Variants in JAM3 observed in about 807,000 individuals in gnomAD.
JAM3 encodes junctional adhesion molecule 3.
In JAM3, 31 loss-of-function variants were observed where a neutral mutation model predicts 39.4. That is an observed-to-expected ratio of 0.79 (90% confidence interval 0.59 to 1.06). The LOEUF (loss-of-function observed/expected upper bound fraction) is 1.06, where lower values mean the gene tolerates loss of function less well. Ranked by LOEUF, JAM3 falls within the 50% of genes least tolerant of loss-of-function variation. The pLI, the probability that JAM3 is intolerant of heterozygous loss-of-function variation, is 0.00. For missense variants in JAM3, 455 were observed against 391.4 expected, an observed-to-expected ratio of 1.16 and a Z score of -1.37; for synonymous variants, 182 against 148.7, an observed-to-expected ratio of 1.22 and a Z score of -1.63.
At chr11:134,088,716 G>T (rs471007) in intron 1 of JAM3, among the ~76,000 whole-genome samples, 67,323 of 150,818 alleles carry the variant, frequency 0.45, 17,601 homozygotes, top group African/African-American at 0.75. Flanking sequence ...CACAAAGACA[G>T]TAAAATGTCA....
chr11:134,079,827 G>A (rs894383516), intron 1 of JAM3, among the ~76,000 whole-genome samples: 1 of 152,098 alleles, frequency 6.6e-6, no homozygotes, highest in Non-Finnish European at 1.5e-5. Context: ...AATTATAATT[G>A]CATTTGAAGG....
At chr11:134,133,394 A>C (rs1942804826) in intron 1 of JAM3, among the ~76,000 whole-genome samples, 1 of 152,126 alleles carries the variant, frequency 6.6e-6, no homozygotes, top group Admixed American at 6.5e-5. Context: ...AAAACTTTTG[A>C]GTCTTTCACC....
intron 1 of JAM3, among the ~76,000 whole-genome samples, chr11:134,100,168 TA>T (rs200011817): frequency 4.7e-5 from 7 of 148,980 alleles, no homozygotes; most frequent in African/African-American, 9.8e-5. Context: ...CTTTCCTCCT[TA>T]AAAAAAAAAT....
intron 3 of JAM3, among the ~76,000 whole-genome samples, chr11:134,142,350 C>T (rs1165988214): frequency 6.6e-6 from 1 of 152,120 alleles, no homozygotes; most frequent in African/African-American, 2.4e-5. Context: ...GGTAAAGGTT[C>T]GAATCCTCCA....
intron 1 of JAM3, among the ~76,000 whole-genome samples, chr11:134,079,555 G>A (rs143952788): frequency 0.015 from 2,207 of 152,118 alleles, 22 homozygotes; most frequent in South Asian, 0.03. Context: ...GCACTGTATC[G>A]TGGGTGTTAG....
chr11:134,147,566 A>G (rs1469910584), intron 6 of JAM3, among the ~76,000 whole-genome samples: 1 of 147,888 alleles, frequency 6.8e-6, no homozygotes, highest in African/African-American at 2.5e-5. Context: ...GGCTCACTGC[A>G]AGCTCCGCCT....
intron 1 of JAM3, among the ~76,000 whole-genome samples, chr11:134,104,492 A>G (rs1226102085): frequency 1.3e-5 from 2 of 152,334 alleles, no homozygotes; most frequent in East Asian, 3.9e-4. Context: ...GCAGAAGGCA[A>G]GAAATAACTA....
intron 1 of JAM3, chr11:134,123,985 C>T: frequency 6.6e-7 from 1 of 1,515,370 alleles, no homozygotes; most frequent in Non-Finnish European, 9.1e-7. Context: ...TCAATCAAAG[C>T]AAGTGCAACC....
intron 1 of JAM3, among the ~76,000 whole-genome samples, chr11:134,090,377 G>C (rs1361278597): frequency 2.0e-5 from 3 of 152,076 alleles, no homozygotes; most frequent in African/African-American, 7.2e-5. Flanking sequence ...TGAAGTCCTT[G>C]CCCATGCCTA....
At chr11:134,093,701 C>A (rs1404287935) in intron 1 of JAM3, among the ~76,000 whole-genome samples, 8 of 115,808 alleles carry the variant, frequency 6.9e-5, no homozygotes, top group South Asian at 3.6e-4. Context: ...TTCCACCTTA[C>A]ATGTCACTTC....
intron 1 of JAM3, among the ~76,000 whole-genome samples, chr11:134,081,031 C>T (rs965487886): frequency 2.0e-5 from 3 of 152,140 alleles, no homozygotes; most frequent in Admixed American, 6.5e-5. Flanking sequence ...GGCATTTTGC[C>T]CCTGCCCTAG....
chr11:134,090,604 T>C (rs555407005), intron 1 of JAM3, among the ~76,000 whole-genome samples: 2 of 152,322 alleles, frequency 1.3e-5, no homozygotes, highest in South Asian at 4.1e-4. Context: ...TTAGGGTTAG[T>C]AGCCTGAACA....
intron 1 of JAM3, among the ~76,000 whole-genome samples, chr11:134,078,010 G>T (rs796118600): frequency 3.9e-5 from 6 of 152,212 alleles, no homozygotes; most frequent in African/African-American, 1.4e-4. Flanking sequence ...TGTCTCTGGG[G>T]TGACTAGCTG....
chr11:134,106,413 A>T (rs1252701951), intron 1 of JAM3, among the ~76,000 whole-genome samples: 2 of 152,086 alleles, frequency 1.3e-5, no homozygotes, highest in East Asian at 1.9e-4. Flanking sequence ...AACCTAGGCA[A>T]TACCATTCAG....
At chr11:134,091,219 GGCGTGGTGGCTCAT>G (rs1430048524) in intron 1 of JAM3, among the ~76,000 whole-genome samples, 6 of 152,106 alleles carry the variant, frequency 3.9e-5, no homozygotes, top group Non-Finnish European at 7.4e-5. Flanking sequence ...ATAAGGGCTG[GGCGTGGTGGCTCAT>G]GCCTGTAATC....
At chr11:134,114,711 CTT>C (rs1201667209) in intron 1 of JAM3, among the ~76,000 whole-genome samples, 1 of 152,162 alleles carries the variant, frequency 6.6e-6, no homozygotes, top group Non-Finnish European at 1.5e-5. Flanking sequence ...AGAAAACAAA[CTT>C]TGTATGACTT....
chr11:134,116,048 T>C (rs942333547), intron 1 of JAM3, among the ~76,000 whole-genome samples: 1 of 152,228 alleles, frequency 6.6e-6, no homozygotes, highest in Non-Finnish European at 1.5e-5. Flanking sequence ...ACAAGGTTTC[T>C]CCACTGTAAA....
At chr11:134,100,542 G>A (rs926399730) in intron 1 of JAM3, among the ~76,000 whole-genome samples, 8 of 152,110 alleles carry the variant, frequency 5.3e-5, no homozygotes, top group Non-Finnish European at 1.5e-5. Context: ...ATATATCTGA[G>A]TCCTGTTTCC....
At chr11:134,099,019 A>G (rs1942030386) in intron 1 of JAM3, among the ~76,000 whole-genome samples, 1 of 151,998 alleles carries the variant, frequency 6.6e-6, no homozygotes, top group Non-Finnish European at 1.5e-5. Flanking sequence ...GGGAAATATG[A>G]TGAAATCCCA....
Sources: gnomAD v4.1 joint callset for allele counts (sites outside exome capture counted in the v4.1 genomes callset) on GRCh38, gnomAD v4.1.1 for gene constraint, MANE v1.5 for transcripts, NCBI Gene and HGNC (gene_info 2026-07-23, HGNC 2026-07-21) for gene names.